The following XIAP variants were observed in gnomAD, a reference collection of about 807,000 sequenced individuals.
The protein encoded by XIAP is X-linked inhibitor of apoptosis, also known as E3 ubiquitin-protein ligase XIAP.
A neutral mutation model predicts 33.1 loss-of-function variants in XIAP; 3 were observed. That is an observed-to-expected ratio of 0.09 (90% confidence interval 0.04 to 0.23). The LOEUF is 0.23. XIAP is among the 10% of genes least tolerant of loss of function. The probability of loss-of-function intolerance (pLI) is 1.00; values close to 1 mark genes in which losing one functional copy is unlikely to be tolerated. For missense variants in XIAP, 264 were observed against 363.0 expected (o/e 0.73, Z 2.22); for synonymous variants, 98 against 121.3 (o/e 0.81, Z 1.26).
At chrX:123,879,844 G>A (rs2053281324) in intron 1 of XIAP, among the ~76,000 whole-genome samples, 1 of 111,470 alleles carries the variant, frequency 9.0e-6, no homozygotes, top group Non-Finnish European at 1.9e-5. Context: ...GCTGGGCTCA[G>A]TGGCTCACGC....
intron 1 of XIAP, among the ~76,000 whole-genome samples, chrX:123,871,179 G>A (rs990454043): frequency 3.6e-5 from 4 of 110,753 alleles, no homozygotes; most frequent in Non-Finnish European, 7.6e-5. Flanking sequence ...CTGACCAAGT[G>A]ATCCACCCAC....
intron 1 of XIAP, among the ~76,000 whole-genome samples, chrX:123,864,429 T>A (rs1463226538): frequency 9.4e-6 from 1 of 106,598 alleles, no homozygotes; most frequent in South Asian, 4.0e-4. Context: ...CAAGGATAAA[T>A]ATGGCAAAAC....
rs2148112857 is a variant in XIAP, at chrX:123,907,929, A to G, written c.*748A>G. ...CAAAAGATTTGGAAAGATATACACC[A>G]AACTGTTAAATGTGGTTTCTCTTCG... On this transcript the variant is annotated 3_prime_UTR_variant, in exon 7 of 7. Coordinates refer to ENST00000371199, the MANE Select transcript of XIAP (RefSeq NM_001167.4). The G allele has an allele frequency of 3.0e-6, 1 of 338,902 alleles. No individual in the cohort carries two copies. Among genetic ancestry groups the G allele is most frequent in the South Asian group, 2.8e-5 (1 of 36,332 alleles). 27.9% of individuals were successfully genotyped at this position (338,902 alleles called of 1,213,427 possible).
At chrX:123,867,397 C>T (rs1351750578) in intron 1 of XIAP, among the ~76,000 whole-genome samples, 2 of 99,021 alleles carry the variant, frequency 2.0e-5, no homozygotes, top group Admixed American at 2.3e-4. Context: ...GTTTTTTAGA[C>T]AGAGTCTCAC....
At chrX:123,894,484 A>G (rs2053440455) in intron 5 of XIAP, among the ~76,000 whole-genome samples, 1 of 112,392 alleles carries the variant, frequency 8.9e-6, no homozygotes, top group Admixed American at 9.5e-5. Context: ...AAGAATTACA[A>G]GCGGCTGGGT....
chrX:123,884,000 C>T (rs1342926433), intron 1 of XIAP, among the ~76,000 whole-genome samples: 3 of 111,695 alleles, frequency 2.7e-5, no homozygotes, highest in Non-Finnish European at 3.8e-5. Context: ...GACTATATTC[C>T]AAAAGTTTTA....
intron 1 of XIAP, among the ~76,000 whole-genome samples, chrX:123,876,159 C>T (rs1004239440): frequency 9.0e-6 from 1 of 110,950 alleles, no homozygotes; most frequent in Non-Finnish European, 1.9e-5. Context: ...GTGATTCTCC[C>T]GCCTTAACCT....
At chrX:123,868,275 A>G (rs1256293227) in intron 1 of XIAP, among the ~76,000 whole-genome samples, 1 of 111,802 alleles carries the variant, frequency 8.9e-6, no homozygotes, top group Admixed American at 9.6e-5. Flanking sequence ...CCTGAGTGAC[A>G]AGAGTGAGGC....
At position 123,912,455 on chromosome X, in the gene XIAP, C is replaced by CA. The variant is rs1220455897; in HGVS notation, c.*5278dup. 3 of 327,613 alleles carry CA rather than the reference C, an allele frequency of 9.2e-6. No homozygotes were observed. Among genetic ancestry groups the CA allele is most frequent in the South Asian group, 7.8e-5 (3 of 38,411 alleles). The allele number at this position is 327,613 out of a possible 1,213,427, so 27.0% of individuals were successfully genotyped here. ...ATATGATGCCAGCCTGGACAAAAGG[C>CA]AAAACCCTGTCTCTACAAAAAATAC... is the stretch of plus-strand genomic sequence containing the variant. On this transcript the variant is annotated 3_prime_UTR_variant, in exon 7 of 7. Coordinates refer to ENST00000371199, the MANE Select transcript of XIAP (RefSeq NM_001167.4).
At chrX:123,873,834 T>A (rs1278063330) in intron 1 of XIAP, 1 of 106,497 alleles carries the variant, frequency 9.4e-6, no homozygotes, top group African/African-American at 3.5e-5. Flanking sequence ...CTTGGGAAGC[T>A]GAGGCAGAAG....
intron 1 of XIAP, among the ~76,000 whole-genome samples, chrX:123,880,580 T>TA (rs2053291672): frequency 9.6e-6 from 1 of 103,932 alleles, no homozygotes; most frequent in South Asian, 4.3e-4. Flanking sequence ...CTTCTAAAAA[T>TA]AAAAAAATTA....
chrX:123,861,434 C>A (rs761075884), intron 1 of XIAP, among the ~76,000 whole-genome samples: 108 of 110,650 alleles, frequency 9.8e-4, no homozygotes, highest in South Asian at 1.9e-3. Context: ...GATTCCCCCC[C>A]ACCCCCACAT....
At chrX:123,903,375 A>T (rs1420663223) in intron 6 of XIAP, among the ~76,000 whole-genome samples, 9 of 108,067 alleles carry the variant, frequency 8.3e-5, no homozygotes, top group Admixed American at 8.1e-4. Context: ...TTTAGTAGAG[A>T]CGGGGTTTCT....
chrX:123,909,428 G>A lies in XIAP; in HGVS notation c.*2247G>A, dbSNP rs1330181237. 3.0e-6 allele frequency: 1 copy of A among 328,433 alleles called. No individual in the cohort carries two copies. Among genetic ancestry groups the A allele is most frequent in the South Asian group, 2.6e-5 (1 of 38,350 alleles). The allele number at this position is 328,433 out of a possible 1,213,427, so 27.1% of individuals were successfully genotyped here. On this transcript the variant is annotated 3_prime_UTR_variant, in exon 7 of 7. Coordinates refer to ENST00000371199, the MANE Select transcript of XIAP (RefSeq NM_001167.4). ...ATCCTCAGTTCTTCACCTTTGCACT[G>A]TCTGCCACTTAGTTTGGTTATATAG...
At chrX:123,879,818 G>A (rs947225913) in intron 1 of XIAP, among the ~76,000 whole-genome samples, 2 of 111,005 alleles carry the variant, frequency 1.8e-5, no homozygotes, top group Non-Finnish European at 3.8e-5. Flanking sequence ...TTTATTCTAC[G>A]TATTTGAAAA....
chrX:123,874,071 C>T (rs2053220186), intron 1 of XIAP: 1 of 111,261 alleles, frequency 9.0e-6, no homozygotes, highest in Non-Finnish European at 1.9e-5. Context: ...AAATTACTTC[C>T]TGTGAATGAA....
intron 1 of XIAP, among the ~76,000 whole-genome samples, chrX:123,877,531 G>T (rs759324867): frequency 8.9e-6 from 1 of 112,405 alleles, no homozygotes; most frequent in South Asian, 3.6e-4. Flanking sequence ...CCTAAAAATA[G>T]TAATTGGCTT....
chrX:123,866,982 T>C (rs1215312667), intron 1 of XIAP, among the ~76,000 whole-genome samples: 1 of 102,809 alleles, frequency 9.7e-6, no homozygotes, highest in African/African-American at 3.6e-5. Context: ...GTGTTTATTA[T>C]AGAAAATTTA....
At chrX:123,871,773 GT>G (rs374360318) in intron 1 of XIAP, among the ~76,000 whole-genome samples, 94 of 111,114 alleles carry the variant, frequency 8.5e-4, no homozygotes, top group African/African-American at 3.1e-3. Context: ...GCAAGACATA[GT>G]TATTATGAAC....
Sources: gnomAD v4.1 joint callset for allele counts (sites outside exome capture counted in the v4.1 genomes callset) on GRCh38, gnomAD v4.1.1 for gene constraint, MANE v1.5 for transcripts, NCBI Gene and HGNC (gene_info 2026-07-23, HGNC 2026-07-21) for gene names.